WDR7: variants seen among roughly 807,000 people sequenced by gnomAD.
WDR7 encodes the protein WD repeat domain 7.
In WDR7, 46 loss-of-function variants were observed where a neutral mutation model predicts 169.4. That is an observed-to-expected ratio of 0.27 (90% CI 0.21 to 0.35). The LOEUF (loss-of-function observed/expected upper bound fraction) is 0.35, where lower values mean the gene tolerates loss of function less well. WDR7 is among the 10% of genes least tolerant of loss of function. The probability of loss-of-function intolerance (pLI) is 1.00; values close to 1 mark genes in which losing one functional copy is unlikely to be tolerated. For synonymous variants in WDR7, 612 were observed against 666.8 expected (o/e 0.92, Z 1.27); for missense variants, 1,534 against 1,859.3 (o/e 0.83, Z 3.22).
At chr18:56,682,886 A>T (rs751303066) in intron 5 of WDR7, 33 bp downstream of exon 5, 1 of 1,588,224 alleles carries the variant, frequency 6.3e-7, no homozygotes, top group Non-Finnish European at 8.6e-7. Flanking sequence ...GAGCTTTAGC[A>T]CCATGACTTA....
At chr18:56,879,230 A>T (rs1238453422) in intron 20 of WDR7, among the ~76,000 whole-genome samples, 1 of 151,956 alleles carries the variant, frequency 6.6e-6, no homozygotes, top group Non-Finnish European at 1.5e-5. Flanking sequence ...TGCCATTTTT[A>T]TCATGCCCAA....
intron 16 of WDR7, among the ~76,000 whole-genome samples, chr18:56,774,592 C>G (rs1297063523): frequency 6.6e-6 from 1 of 152,102 alleles, no homozygotes; most frequent in Non-Finnish European, 1.5e-5. Flanking sequence ...GTGCCCCATG[C>G]AACTTCAGAT....
chr18:56,940,027 C>A (rs530410278), intron 25 of WDR7, among the ~76,000 whole-genome samples: 1 of 151,846 alleles, frequency 6.6e-6, no homozygotes, highest in African/African-American at 2.4e-5. Context: ...ATTTTTCTTT[C>A]AAAGCTGTTT....
intron 12 of WDR7, among the ~76,000 whole-genome samples, chr18:56,704,761 G>T (rs563391932): frequency 6.6e-6 from 1 of 152,244 alleles, no homozygotes; most frequent in East Asian, 1.9e-4. Flanking sequence ...TAAAAAATTA[G>T]AAATTCTTAC....
At chr18:56,819,288 A>T (rs1201538120) in intron 20 of WDR7, among the ~76,000 whole-genome samples, 1 of 152,178 alleles carries the variant, frequency 6.6e-6, no homozygotes, top group Non-Finnish European at 1.5e-5. Context: ...TCTTAACTGG[A>T]AGAGAACAGC....
At chr18:56,804,162 G>T (rs551676378) in intron 19 of WDR7, among the ~76,000 whole-genome samples, 4 of 152,300 alleles carry the variant, frequency 2.6e-5, no homozygotes, top group South Asian at 4.1e-4. Context: ...TTTATACAAT[G>T]ACACAAAGGC....
chr18:56,655,840 G>T (rs1342640154), intron 1 of WDR7, among the ~76,000 whole-genome samples: 2 of 152,124 alleles, frequency 1.3e-5, no homozygotes, highest in Admixed American at 1.3e-4. Flanking sequence ...CATCCAAATT[G>T]TTGAATGAGA....
chr18:56,985,068 A>T (rs2047694914), intron 26 of WDR7, among the ~76,000 whole-genome samples: 1 of 152,158 alleles, frequency 6.6e-6, no homozygotes, highest in African/African-American at 2.4e-5. Flanking sequence ...ATTGCTACTC[A>T]GCTCTGGGAG....
intron 25 of WDR7, among the ~76,000 whole-genome samples, chr18:56,947,199 G>A (rs1052925885): frequency 3.3e-5 from 5 of 152,070 alleles, no homozygotes; most frequent in Non-Finnish European, 7.4e-5. Flanking sequence ...AATCACAAAC[G>A]TATTAGCCAC....
Position 56,679,347 on chromosome 18 carries a change from C to G in WDR7, c.175C>G (p.Leu59Val). 6.2e-7 allele frequency: 1 copy of G among 1,610,630 alleles called. No homozygotes were observed. Among genetic ancestry groups the G allele is most frequent in the South Asian group, 1.1e-5 (1 of 90,840 alleles). ...GCATTTCTAGATTAATCCTCGAGCA[C>G]TGTTGTTTGGTCATACAGCATCAAT... ...SVELQINPRALLFGHTASITC... is the reference protein window; with the variant it reads ...SVELQINPRAVLFGHTASITC... The change falls in exon 3 of 28, where the codon CTG becomes GTG. Residue 59 changes from leucine to valine, a missense_variant. Leu to Val is a conservative substitution (Grantham distance 32). Coordinates refer to ENST00000254442, the MANE Select transcript of WDR7 (RefSeq NM_015285.3).
chr18:56,847,018 G>A (rs540504108), intron 20 of WDR7, among the ~76,000 whole-genome samples: 62 of 152,302 alleles, frequency 4.1e-4, no homozygotes, highest in African/African-American at 1.4e-3. Flanking sequence ...GGCAGACGTT[G>A]GAAGCATTTG....
intron 26 of WDR7, among the ~76,000 whole-genome samples, chr18:57,005,138 T>C (rs2048037387): frequency 1.3e-5 from 2 of 152,276 alleles, no homozygotes; most frequent in Admixed American, 6.5e-5. Context: ...ACCACTAATC[T>C]CAATTGACTG....
intron 1 of WDR7, among the ~76,000 whole-genome samples, chr18:56,654,300 T>C (rs1036823481): frequency 7.9e-5 from 12 of 152,094 alleles, no homozygotes; most frequent in African/African-American, 2.9e-4. Context: ...CCCAGCTAAT[T>C]TTTGTATTTT....
chr18:56,701,294 G>A (rs2025829490), intron 12 of WDR7, among the ~76,000 whole-genome samples: 1 of 152,202 alleles, frequency 6.6e-6, no homozygotes, highest in African/African-American at 2.4e-5. Flanking sequence ...GACTTCTTGA[G>A]AGGTGTTGGA....
intron 25 of WDR7, among the ~76,000 whole-genome samples, chr18:56,958,655 G>A (rs1032935737): frequency 6.6e-6 from 1 of 152,114 alleles, no homozygotes; most frequent in African/African-American, 2.4e-5. Flanking sequence ...AGTCTTTACA[G>A]ATAACTTCTT....
At chr18:57,019,844 C>A (rs1464754628) in intron 26 of WDR7, among the ~76,000 whole-genome samples, 2 of 152,068 alleles carry the variant, frequency 1.3e-5, no homozygotes, top group African/African-American at 4.8e-5. Context: ...TTTCCTATTC[C>A]TTTCTAGACA....
chr18:56,691,202 T>C lies in WDR7; in HGVS notation c.718-14T>C. 1.2e-6 allele frequency: 2 copies of C among 1,601,264 alleles called. No homozygotes were observed. Among genetic ancestry groups the C allele is most frequent in the Non-Finnish European group, 1.7e-6 (2 of 1,176,080 alleles). On this transcript the variant is annotated splice_polypyrimidine_tract_variant and intron_variant, in intron 7 of 27. Coordinates refer to ENST00000254442, the MANE Select transcript of WDR7 (RefSeq NM_015285.3). ...CAATATGGAGTAGATTGTGAATTTC[T>C]TTCTTCCTTGCAGGTGTTCGATGCC...
intron 12 of WDR7, 82 bp downstream of exon 12, chr18:56,696,544 C>A: frequency 8.6e-7 from 1 of 1,156,242 alleles, no homozygotes; most frequent in Non-Finnish European, 1.2e-6. Context: ...GGAATCTAGA[C>A]TAACTTAAAG....
intron 26 of WDR7, among the ~76,000 whole-genome samples, chr18:56,963,876 C>T (rs2047368940): frequency 6.6e-6 from 1 of 151,226 alleles, no homozygotes; most frequent in Non-Finnish European, 1.5e-5. Context: ...GTTTTTAAAA[C>T]TGGAGTATAT....
Sources: allele counts gnomAD v4.1 joint callset (sites outside exome capture counted in the v4.1 genomes callset), GRCh38; gene constraint gnomAD v4.1.1; transcripts MANE v1.5; gene names NCBI Gene and HGNC (gene_info 2026-07-23, HGNC 2026-07-21).